The following CTNNA3 variants were observed in gnomAD, a reference collection of about 807,000 sequenced individuals.
CTNNA3 encodes catenin alpha-3.
In CTNNA3, 76 loss-of-function variants were observed where a neutral mutation model predicts 95.7. That is an observed-to-expected ratio of 0.79 (90% CI 0.66 to 0.96). The LOEUF is 0.96. Ranked by LOEUF, CTNNA3 falls within the 40% of genes least tolerant of loss-of-function variation. The pLI is 0.00. For missense variants in CTNNA3, 1,191 were observed against 1,089.8 expected (o/e 1.09, Z -1.31); for synonymous variants, 431 against 374.4 (o/e 1.15, Z -1.74).
At chr10:67,256,637 A>T (rs1866364386) in intron 5 of CTNNA3, among the ~76,000 whole-genome samples, 1 of 152,190 alleles carries the variant, frequency 6.6e-6, no homozygotes, top group South Asian at 2.1e-4. Flanking sequence ...AGATTTTCTT[A>T]GAGTGAATTA....
intron 11 of CTNNA3, among the ~76,000 whole-genome samples, chr10:66,391,549 C>T (rs1431410771): frequency 6.6e-6 from 1 of 151,908 alleles, no homozygotes; most frequent in East Asian, 1.9e-4. Flanking sequence ...TAGTGTCGAT[C>T]AGGATATTTT....
chr10:66,926,813 TA>T, intron 7 of CTNNA3: 1 of 1,033,590 alleles, frequency 9.7e-7, no homozygotes, highest in Non-Finnish European at 1.4e-6. Context: ...TGTTAAGTGT[TA>T]TTTAGATTTA....
chr10:66,895,062 A>AC lies in CTNNA3; in HGVS notation c.1048-119539_1048-119538insG, dbSNP rs72230122. Among the ~76,000 whole-genome samples, 517 of 150,086 alleles carry AC rather than the reference A, an allele frequency of 3.4e-3. 4 individuals are homozygous for AC. The highest frequency in any genetic ancestry group is 0.012 in the African/African-American group (490 of 41,160). On this transcript the variant is annotated intron_variant, in intron 7 of 17. Transcript: ENST00000433211. ...AAAGTGAAACAAATAAACAAAAAAA[A>AC]AAAAAAAAAAGAAAGTGTCCTACTT...
chr10:66,932,660 A>G (rs1276054224), intron 7 of CTNNA3, among the ~76,000 whole-genome samples: 1 of 150,244 alleles, frequency 6.7e-6, no homozygotes, highest in East Asian at 2.0e-4. Context: ...GATGGATGTT[A>G]AATAGTTTGT....
At chr10:67,001,299 A>G (rs1851674774) in intron 7 of CTNNA3, among the ~76,000 whole-genome samples, 1 of 137,830 alleles carries the variant, frequency 7.3e-6, no homozygotes, top group Non-Finnish European at 1.6e-5. Context: ...GACTCTGTCT[A>G]AAAAAAAAAA....
chr10:66,840,041 C>T (rs1018925353), intron 7 of CTNNA3, among the ~76,000 whole-genome samples: 1 of 152,050 alleles, frequency 6.6e-6, no homozygotes, highest in African/African-American at 2.4e-5. Context: ...TTTTATGTGG[C>T]TTCAAAAACT....
intron 7 of CTNNA3, among the ~76,000 whole-genome samples, chr10:66,974,815 T>C (rs756450422): frequency 2.6e-5 from 4 of 152,100 alleles, no homozygotes; most frequent in Non-Finnish European, 5.9e-5. Context: ...TTTTTTTTTT[T>C]CTGAAGTGTC....
At position 66,262,084 on chromosome 10, in the gene CTNNA3, G is replaced by A. The variant is rs192910584; in HGVS notation, c.1884+18386C>T. On this transcript the variant is annotated intron_variant, in intron 13 of 17. Coordinates refer to ENST00000433211, the MANE Select transcript of CTNNA3 (RefSeq NM_013266.4). ...CAAAAAAAACCTATTATGGTTACTT[G>A]ATTGTGATAACATCAAAAGTACACT... is the stretch of plus-strand genomic sequence containing the variant. 2.2e-4 allele frequency among the ~76,000 whole-genome samples: 34 copies of A among 152,036 alleles called. No individual in the cohort carries two copies. The East Asian group carries it at 6.6e-3, about 30-fold the overall frequency.
At chr10:66,705,593 T>A (rs1303332120) in intron 9 of CTNNA3, among the ~76,000 whole-genome samples, 2 of 152,056 alleles carry the variant, frequency 1.3e-5, no homozygotes, top group Non-Finnish European at 2.9e-5. Context: ...GTTTGAATGT[T>A]CTATCAATTA....
intron 5 of CTNNA3, among the ~76,000 whole-genome samples, chr10:67,313,129 T>C (rs896427442): frequency 2.0e-5 from 3 of 152,144 alleles, no homozygotes; most frequent in African/African-American, 7.2e-5. Flanking sequence ...CTAATAACTG[T>C]GGCCATTATA....
intron 7 of CTNNA3, among the ~76,000 whole-genome samples, chr10:67,169,060 C>T (rs1861902876): frequency 6.6e-6 from 1 of 152,102 alleles, no homozygotes; most frequent in Non-Finnish European, 1.5e-5. Context: ...GACTAAAATG[C>T]TTATGAACAC....
chr10:67,566,064 T>TATATATATATATATATATAC, intron 3 of CTNNA3, among the ~76,000 whole-genome samples: 1 of 95,430 alleles, frequency 1.0e-5, no homozygotes, highest in Non-Finnish European at 2.1e-5. Flanking sequence ...TATATATATA[T>TATATATATATATATATATAC]ATATATATAC....
At chr10:66,232,193 C>T (rs2089622219) in intron 13 of CTNNA3, among the ~76,000 whole-genome samples, 1 of 152,108 alleles carries the variant, frequency 6.6e-6, no homozygotes, top group African/African-American at 2.4e-5. Context: ...CAATATGCAC[C>T]TAAACTATGG....
At chr10:67,105,844 G>C (rs914354673) in intron 7 of CTNNA3, among the ~76,000 whole-genome samples, 2 of 152,176 alleles carry the variant, frequency 1.3e-5, no homozygotes, top group Non-Finnish European at 2.9e-5. Flanking sequence ...GAAAGACACT[G>C]AACATCTCTG....
intron 16 of CTNNA3, among the ~76,000 whole-genome samples, chr10:65,968,687 A>G (rs886446523): frequency 2.0e-5 from 3 of 152,206 alleles, no homozygotes; most frequent in Admixed American, 6.6e-5. Context: ...GCAGGGATCC[A>G]GGTATGTAGA....
intron 5 of CTNNA3, among the ~76,000 whole-genome samples, chr10:67,368,821 A>G (rs1843309681): frequency 6.6e-6 from 1 of 152,224 alleles, no homozygotes; most frequent in Non-Finnish European, 1.5e-5. Flanking sequence ...ATCTACAGTG[A>G]CATAAAGCAG....
intron 7 of CTNNA3, among the ~76,000 whole-genome samples, chr10:67,128,588 G>C (rs150973855): frequency 6.6e-6 from 1 of 152,044 alleles, no homozygotes; most frequent in Non-Finnish European, 1.5e-5. Flanking sequence ...TCCTTTAACA[G>C]CTTTACCCCT....
At chr10:65,969,403 C>G (rs1024518723) in intron 16 of CTNNA3, among the ~76,000 whole-genome samples, 3 of 152,134 alleles carry the variant, frequency 2.0e-5, no homozygotes, top group Non-Finnish European at 2.9e-5. Context: ...ACATACCATA[C>G]TAGTTCTCCA....
At chr10:66,633,670 A>C (rs1288480795) in intron 9 of CTNNA3, among the ~76,000 whole-genome samples, 2 of 151,710 alleles carry the variant, frequency 1.3e-5, no homozygotes, top group African/African-American at 2.4e-5. Flanking sequence ...ACAGAGCAAG[A>C]CTCCATCTCA....
Sources: gnomAD v4.1 joint callset for allele counts (sites outside exome capture counted in the v4.1 genomes callset) on GRCh38, gnomAD v4.1.1 for gene constraint, MANE v1.5 for transcripts, NCBI Gene and HGNC (gene_info 2026-07-23, HGNC 2026-07-21) for gene names.